ADAMTS19: variants seen among roughly 807,000 people sequenced by gnomAD.
The protein encoded by ADAMTS19 is ADAM metallopeptidase with thrombospondin type 1 motif 19, also known as A disintegrin and metalloproteinase with thrombospondin motifs 19.
In ADAMTS19, 93 loss-of-function variants were observed where a neutral mutation model predicts 153.3. That is an observed-to-expected ratio of 0.61 (90% confidence interval 0.51 to 0.72). The LOEUF is 0.72. Among genes scored for constraint, ADAMTS19 ranks in the 30% least tolerant of loss-of-function variants. The pLI is 0.00. For synonymous variants in ADAMTS19, 600 were observed against 556.6 expected (o/e 1.08, Z -1.10); for missense variants, 1,482 against 1,552.1 (o/e 0.95, Z 0.76).
chr5:129,720,754 G>C (rs114411218), intron 21 of ADAMTS19, among the ~76,000 whole-genome samples: 1 of 152,130 alleles, frequency 6.6e-6, no homozygotes, highest in Non-Finnish European at 1.5e-5. Context: ...CTAAACAGGA[G>C]AGTAGTTAAG....
chr5:129,599,155 C>G (rs1294627320), intron 8 of ADAMTS19, among the ~76,000 whole-genome samples: 1 of 151,236 alleles, frequency 6.6e-6, no homozygotes, highest in Non-Finnish European at 1.5e-5. Context: ...GTGCAATAAC[C>G]TTGTTTAATA....
intron 2 of ADAMTS19, among the ~76,000 whole-genome samples, chr5:129,477,844 A>G (rs1054253827): frequency 2.9e-4 from 44 of 152,206 alleles, no homozygotes; most frequent in African/African-American, 9.9e-4. Context: ...CTGGAACTGC[A>G]TAATCAACTG....
rs1374608332 is a variant in ADAMTS19, at chr5:129,738,188, T to C, written c.*970T>C. 2.0e-5 allele frequency: 3 copies of C among 152,364 alleles called. No homozygotes were observed. Among genetic ancestry groups the C allele is most frequent in the South Asian group, 2.1e-4 (1 of 4,830 alleles). 9.4% of individuals were successfully genotyped at this position (152,364 alleles called of 1,614,324 possible). A position where few individuals can be genotyped will look rare whatever the true frequency, so the allele number is the denominator to read the frequency against. Reference sequence around the variant, plus strand: ...AGCATATAATACGGTGGTCGTTTCATTGTGTTTTTCTTCCTTTTAAAAATT... The same window carrying C: ...AGCATATAATACGGTGGTCGTTTCACTGTGTTTTTCTTCCTTTTAAAAATT... On this transcript the variant is annotated 3_prime_UTR_variant, in exon 23 of 23. Coordinates refer to ENST00000274487, the MANE Select transcript of ADAMTS19 (RefSeq NM_133638.6).
chr5:129,732,946 G>T (rs1454106689), intron 21 of ADAMTS19, among the ~76,000 whole-genome samples: 3 of 151,922 alleles, frequency 2.0e-5, no homozygotes, highest in African/African-American at 4.8e-5. Context: ...CATGGTACTG[G>T]TACAAATATA....
chr5:129,645,818 C>T (rs1469380442), intron 11 of ADAMTS19, among the ~76,000 whole-genome samples: 1 of 149,350 alleles, frequency 6.7e-6, no homozygotes, highest in African/African-American at 2.5e-5. Flanking sequence ...AATGGCATAA[C>T]TTTTTTAAGT....
At chr5:129,706,238 C>A (rs1756144811) in intron 21 of ADAMTS19, among the ~76,000 whole-genome samples, 1 of 152,112 alleles carries the variant, frequency 6.6e-6, no homozygotes, top group South Asian at 2.1e-4. Flanking sequence ...ACGTAAAAAA[C>A]TGAGCTATAT....
At chr5:129,671,489 A>G (rs1187544397) in intron 16 of ADAMTS19, among the ~76,000 whole-genome samples, 1 of 152,216 alleles carries the variant, frequency 6.6e-6, no homozygotes, top group Non-Finnish European at 1.5e-5. Flanking sequence ...TCCTTTGGGT[A>G]TAGGAAGGAA....
chr5:129,551,432 A>G (rs980019711), intron 6 of ADAMTS19, among the ~76,000 whole-genome samples: 1 of 151,738 alleles, frequency 6.6e-6, no homozygotes, highest in African/African-American at 2.4e-5. Flanking sequence ...CTTATGATAG[A>G]AAATATTATG....
chr5:129,605,136 T>C (rs1415123837), intron 8 of ADAMTS19, among the ~76,000 whole-genome samples: 4 of 152,226 alleles, frequency 2.6e-5, no homozygotes, highest in Admixed American at 2.0e-4. Context: ...TAATCTTTCC[T>C]TTTTAGCCTT....
At chr5:129,562,772 C>T (rs1331394405) in intron 7 of ADAMTS19, among the ~76,000 whole-genome samples, 6 of 152,088 alleles carry the variant, frequency 3.9e-5, no homozygotes, top group Admixed American at 1.3e-4. Context: ...TCCTCTAATA[C>T]TTGTTGATGA....
chr5:129,698,759 T>C (rs572975787), intron 19 of ADAMTS19, among the ~76,000 whole-genome samples: 61 of 152,328 alleles, frequency 4.0e-4, no homozygotes, highest in African/African-American at 1.5e-3. Context: ...AAAAGATATG[T>C]AGATGGACTT....
chr5:129,731,576 AC>A (rs1227524398), intron 21 of ADAMTS19, among the ~76,000 whole-genome samples: 2 of 152,098 alleles, frequency 1.3e-5, no homozygotes, highest in East Asian at 1.9e-4. Flanking sequence ...TAGGCTGAGG[AC>A]TAAAAACAAA....
chr5:129,571,298 G>C (rs963347772), intron 7 of ADAMTS19, among the ~76,000 whole-genome samples: 1 of 151,606 alleles, frequency 6.6e-6, no homozygotes, highest in Non-Finnish European at 1.5e-5. Context: ...TTTTAAATAT[G>C]TACATGTATA....
chr5:129,670,419 C>T (rs1301881300), intron 16 of ADAMTS19, among the ~76,000 whole-genome samples: 1 of 152,074 alleles, frequency 6.6e-6, no homozygotes, highest in Non-Finnish European at 1.5e-5. Context: ...CCTCAGAATA[C>T]CTCTATGAAG....
At chr5:129,623,083 C>A (rs10045299) in intron 10 of ADAMTS19, among the ~76,000 whole-genome samples, 3 of 151,720 alleles carry the variant, frequency 2.0e-5, no homozygotes, top group African/African-American at 7.3e-5. Context: ...ACATTTTAAT[C>A]CTGAAAATAA....
chr5:129,666,299 T>C (rs1332809314), intron 16 of ADAMTS19, among the ~76,000 whole-genome samples: 1 of 152,138 alleles, frequency 6.6e-6, no homozygotes, highest in Non-Finnish European at 1.5e-5. Context: ...AAGTTTTATC[T>C]GGCATCCAGA....
At position 129,704,189 on chromosome 5, in the gene ADAMTS19, A is replaced by G. The variant is rs1303408131; in HGVS notation, c.3160-50A>G. 5.7e-6 allele frequency: 9 copies of G among 1,582,126 alleles called. No homozygotes were observed. The East Asian group carries it at 6.7e-5, about 12-fold the overall frequency. ...CAGTACTTAATTGAGCCTATCATCT[A>G]TATCTCCAATTCACCAACTTTATCT... On this transcript the variant is annotated intron_variant, in intron 20 of 22. Transcript: ENST00000274487.
At chr5:129,472,722 G>A (rs952451990) in intron 2 of ADAMTS19, among the ~76,000 whole-genome samples, 2 of 151,490 alleles carry the variant, frequency 1.3e-5, no homozygotes, top group Non-Finnish European at 2.9e-5. Flanking sequence ...AATTGTAGCA[G>A]GAGAATTACT....
chr5:129,704,701 T>C (rs1250319287), intron 21 of ADAMTS19, among the ~76,000 whole-genome samples: 2 of 152,190 alleles, frequency 1.3e-5, no homozygotes, highest in African/African-American at 4.8e-5. Context: ...TGCATAAAAC[T>C]ATCTAAACAA....
Sources: gnomAD v4.1 joint callset for allele counts (sites outside exome capture counted in the v4.1 genomes callset) on GRCh38, gnomAD v4.1.1 for gene constraint, MANE v1.5 for transcripts, NCBI Gene and HGNC (gene_info 2026-07-23, HGNC 2026-07-21) for gene names.